The following RBM20 variants were observed in gnomAD, a reference collection of about 807,000 sequenced individuals.
The protein encoded by RBM20 is RNA binding motif protein 20.
Under a neutral mutation model 110.1 loss-of-function variants are expected in RBM20, and 51 were observed. The observed-to-expected ratio is 0.46, with a 90% CI of 0.37 to 0.59. The LOEUF is 0.59. Among genes scored for constraint, RBM20 ranks in the 20% least tolerant of loss-of-function variants. RBM20 has a pLI of 0.00. For synonymous variants in RBM20, 589 were observed against 618.2 expected (o/e 0.95, Z 0.70); for missense variants, 1,512 against 1,574.9 (o/e 0.96, Z 0.68).
intron 1 of RBM20, among the ~76,000 whole-genome samples, chr10:110,698,378 C>T (rs1384152508): frequency 6.6e-6 from 1 of 152,158 alleles, no homozygotes; most frequent in African/African-American, 2.4e-5. Flanking sequence ...GCTGTGATGG[C>T]GGCCCCTGGG....
chr10:110,772,280 A>C (rs892249014), intron 1 of RBM20, among the ~76,000 whole-genome samples: 19 of 152,226 alleles, frequency 1.2e-4, no homozygotes, highest in African/African-American at 4.6e-4. Flanking sequence ...CTAAATCTTC[A>C]GGGATATAGG....
chr10:110,783,356 T>TC lies in RBM20; in HGVS notation c.1276-9dup. On this transcript the variant is annotated splice_polypyrimidine_tract_variant and intron_variant, in intron 2 of 13. Coordinates refer to ENST00000369519, the MANE Select transcript of RBM20 (RefSeq NM_001134363.3). ...TCTACTTTGGTCACTTTTCTTTCCT[T>TC]CTGACCTAGGACTGGGAGCTGCATG... The TC allele has an allele frequency of 6.5e-7, 1 of 1,549,838 alleles. No individual in the cohort carries two copies. Among genetic ancestry groups the TC allele is most frequent in the Non-Finnish European group, 8.7e-7 (1 of 1,145,614 alleles).
intron 1 of RBM20, among the ~76,000 whole-genome samples, chr10:110,769,233 C>T (rs761663006): frequency 5.3e-5 from 8 of 152,014 alleles, no homozygotes; most frequent in Non-Finnish European, 4.4e-5. Flanking sequence ...TCTAGTGATA[C>T]AGATGACTTT....
chr10:110,752,648 T>G (rs1843868288), intron 1 of RBM20, among the ~76,000 whole-genome samples: 1 of 152,130 alleles, frequency 6.6e-6, no homozygotes, highest in Admixed American at 6.5e-5. Context: ...TTGTAAAATA[T>G]TGCATACACA....
intron 1 of RBM20, among the ~76,000 whole-genome samples, chr10:110,732,875 C>G (rs1843633471): frequency 6.6e-6 from 1 of 152,080 alleles, no homozygotes; most frequent in Non-Finnish European, 1.5e-5. Flanking sequence ...CCCAGGAAAC[C>G]CTAGGAAACC....
At position 110,812,884 on chromosome 10, in the gene RBM20, G is replaced by A; in HGVS notation, c.2487G>A (p.Lys829=). The A allele has an allele frequency of 6.8e-7, 1 of 1,472,526 alleles. No individual in the cohort carries two copies. The highest frequency in any genetic ancestry group is 9.0e-7 in the Non-Finnish European group (1 of 1,113,146). The allele number at this position is 1,472,526 out of a possible 1,614,324, so 91.2% of individuals were successfully genotyped here. A position where few individuals can be genotyped will look rare whatever the true frequency, so the allele number is the denominator to read the frequency against. ...AGCAGAATGAGAAAAATAAAACCAAGAGAACTGATAGAGACCAAGAAGGAG... is the reference window on the plus strand; with the variant it reads ...AGCAGAATGAGAAAAATAAAACCAAAAGAACTGATAGAGACCAAGAAGGAG... ...KAKQNEKNKT[K]RTDRDQEGAD... The change falls in exon 9 of 14, where the codon AAG becomes AAA. Residue 829 remains lysine, a synonymous_variant. Transcript: ENST00000369519.
intron 13 of RBM20, among the ~76,000 whole-genome samples, chr10:110,832,141 TG>T (rs11306844): frequency 0.43 from 65,987 of 152,016 alleles, 15,074 homozygotes; most frequent in East Asian, 0.6. Flanking sequence ...TATTAGAATG[TG>T]GTTTTCATGA....
Position 110,829,226 on chromosome 10 carries a change from G to C in RBM20, c.3452-1835G>C, listed in dbSNP as rs371253053. On this transcript the variant is annotated intron_variant, in intron 12 of 13. Transcript: ENST00000369519. ...AGAGGGAAAACTATTTTGTAACAACGCAGGAAGGAGGCAGACCTTGCTGAA... is the reference window on the plus strand; with the variant it reads ...AGAGGGAAAACTATTTTGTAACAACCCAGGAAGGAGGCAGACCTTGCTGAA... Among the ~76,000 whole-genome samples, 53 of 152,290 alleles carry C rather than the reference G, an allele frequency of 3.5e-4. No individual in the cohort carries two copies. The South Asian group carries it at 9.9e-3, about 29-fold the overall frequency.
intron 1 of RBM20, among the ~76,000 whole-genome samples, chr10:110,766,598 C>G (rs976112856): frequency 1.3e-5 from 2 of 151,554 alleles, no homozygotes; most frequent in Non-Finnish European, 2.9e-5. Flanking sequence ...TCCATTTAAC[C>G]CTGAGTGGAC....
At chr10:110,745,915 A>T in intron 1 of RBM20, among the ~76,000 whole-genome samples, 1 of 152,192 alleles carries the variant, frequency 6.6e-6, no homozygotes, top group Non-Finnish European at 1.5e-5. Flanking sequence ...TGTCCACAGT[A>T]CAGATTTTTT....
intron 1 of RBM20, among the ~76,000 whole-genome samples, chr10:110,735,573 C>T (rs11195294): frequency 0.15 from 22,217 of 152,182 alleles, 2,170 homozygotes; most frequent in East Asian, 0.27. Context: ...ACTGACAGTG[C>T]TGCAGTGAGG....
At chr10:110,816,047 C>T (rs1208088802) in intron 9 of RBM20, among the ~76,000 whole-genome samples, 1 of 152,186 alleles carries the variant, frequency 6.6e-6, no homozygotes, top group Admixed American at 6.5e-5. Flanking sequence ...AGTCAGATAA[C>T]AGGTGGCAAC....
At chr10:110,768,608 A>G (rs370227506) in intron 1 of RBM20, among the ~76,000 whole-genome samples, 14 of 152,218 alleles carry the variant, frequency 9.2e-5, no homozygotes, top group African/African-American at 3.1e-4. Context: ...ACATTCCCAC[A>G]TGCTTAAGAC....
At chr10:110,747,672 T>C (rs936779260) in intron 1 of RBM20, among the ~76,000 whole-genome samples, 1 of 152,196 alleles carries the variant, frequency 6.6e-6, no homozygotes, top group Admixed American at 6.5e-5. Context: ...GGACCAAAAG[T>C]AAGTGATGCA....
chr10:110,798,545 G>T (rs1844580706), intron 6 of RBM20, among the ~76,000 whole-genome samples: 1 of 152,206 alleles, frequency 6.6e-6, no homozygotes, highest in Non-Finnish European at 1.5e-5. Flanking sequence ...TGACAAGTGA[G>T]AGCTAGAGGT....
intron 1 of RBM20, among the ~76,000 whole-genome samples, chr10:110,760,962 G>A (rs1010377034): frequency 6.6e-5 from 10 of 150,822 alleles, no homozygotes; most frequent in Non-Finnish European, 1.3e-4. Context: ...CAGTTGTGGT[G>A]GTGGGCACCT....
chr10:110,807,784 C>T (rs545451264), intron 7 of RBM20, among the ~76,000 whole-genome samples: 1 of 152,354 alleles, frequency 6.6e-6, no homozygotes, highest in Admixed American at 6.5e-5. Context: ...CTTTTTACAA[C>T]AGAAAGCTCC....
chr10:110,647,390 A>G (rs577838859), intron 1 of RBM20, among the ~76,000 whole-genome samples: 2 of 152,314 alleles, frequency 1.3e-5, no homozygotes, highest in South Asian at 4.1e-4. Context: ...TCCATTAAGA[A>G]TCATCCATAC....
intron 10 of RBM20, among the ~76,000 whole-genome samples, chr10:110,820,727 A>T (rs1022975594): frequency 1.3e-4 from 20 of 152,236 alleles, no homozygotes; most frequent in African/African-American, 4.8e-4. Flanking sequence ...AGGCAGGAGA[A>T]ATGAGTATCG....
Sources: gnomAD v4.1 joint callset for allele counts (sites outside exome capture counted in the v4.1 genomes callset) on GRCh38, gnomAD v4.1.1 for gene constraint, MANE v1.5 for transcripts, NCBI Gene and HGNC (gene_info 2026-07-23, HGNC 2026-07-21) for gene names.